The following CCNY variants were observed in gnomAD, a reference collection of about 807,000 sequenced individuals.
CCNY encodes the protein cyclin Y.
In CCNY, 19 loss-of-function variants were observed where a neutral mutation model predicts 42.8. The ratio of observed to expected loss-of-function variants is 0.44; its 90% CI spans 0.31 to 0.65. The LOEUF is 0.65. Ranked by LOEUF, CCNY falls within the 30% of genes least tolerant of loss-of-function variation. The probability of loss-of-function intolerance (pLI) is 0.07; values close to 1 mark genes in which losing one functional copy is unlikely to be tolerated. For synonymous variants in CCNY, 165 were observed against 162.7 expected (o/e 1.01, Z -0.11); for missense variants, 370 against 437.3 (o/e 0.85, Z 1.37).
intron 1 of CCNY, among the ~76,000 whole-genome samples, chr10:35,424,303 C>T (rs920164218): frequency 5.3e-5 from 8 of 152,262 alleles, no homozygotes; most frequent in South Asian, 4.1e-4. Context: ...CTCGGCTCAC[C>T]GCAACCTCCA....
chr10:35,346,568 A>G (rs1364365477), intron 1 of CCNY, among the ~76,000 whole-genome samples: 1 of 152,216 alleles, frequency 6.6e-6, no homozygotes, highest in African/African-American at 2.4e-5. Flanking sequence ...TTTCAAATAG[A>G]TAAGTGGAAA....
At chr10:35,540,521 G>T (rs1840977628) in intron 7 of CCNY, among the ~76,000 whole-genome samples, 3 of 151,472 alleles carry the variant, frequency 2.0e-5, no homozygotes, top group African/African-American at 4.9e-5. Flanking sequence ...TGGTATCAGG[G>T]TAATAGTAGC....
chr10:35,370,537 T>A (rs1836910102), intron 1 of CCNY, among the ~76,000 whole-genome samples: 1 of 151,936 alleles, frequency 6.6e-6, no homozygotes, highest in Non-Finnish European at 1.5e-5. Flanking sequence ...TTGAACATTG[T>A]CATTATAAAT....
At chr10:35,518,547 G>T (rs1405876978) in intron 4 of CCNY, among the ~76,000 whole-genome samples, 1 of 129,184 alleles carries the variant, frequency 7.7e-6, no homozygotes, top group Non-Finnish European at 1.6e-5. Flanking sequence ...TGAGTATCTG[G>T]ATTTTTAACA....
In CCNY at chr10:35,368,692, C is replaced by T. The variant is rs552537164; in HGVS notation, c.154+31485C>T. On this transcript the variant is annotated intron_variant, in intron 1 of 9. Transcript: ENST00000374704. Reference sequence around the variant, plus strand: ...CATTGACTGCTCTATAGCCCGGCCCCAGGCGTCAGGGCAGGCCGCTGTGGG... The same window carrying T: ...CATTGACTGCTCTATAGCCCGGCCCTAGGCGTCAGGGCAGGCCGCTGTGGG... Among the ~76,000 whole-genome samples, 114 of 152,346 alleles carry T rather than the reference C, an allele frequency of 7.5e-4. 1 individual carries two copies. Among genetic ancestry groups the T allele is most frequent in the Middle Eastern group, 6.8e-3 (2 of 294 alleles).
chr10:35,437,086 C>T (rs1838551939), intron 1 of CCNY, among the ~76,000 whole-genome samples: 1 of 152,202 alleles, frequency 6.6e-6, no homozygotes. Flanking sequence ...TGAGAACTCA[C>T]TATCATGAGA....
chr10:35,527,567 T>TTA (rs1413205139), intron 5 of CCNY, among the ~76,000 whole-genome samples: 1 of 152,220 alleles, frequency 6.6e-6, no homozygotes, highest in Admixed American at 6.5e-5. Context: ...CACAGAGAGA[T>TTA]TAATTTGACT....
chr10:35,285,986 A>G (rs529680543), intron 3 of CCNY, among the ~76,000 whole-genome samples: 3 of 151,780 alleles, frequency 2.0e-5, no homozygotes, highest in Admixed American at 1.3e-4. Flanking sequence ...CTAATTTTGT[A>G]TTTTTAGTGG....
At chr10:35,488,130 C>A (rs555901755) in intron 2 of CCNY, among the ~76,000 whole-genome samples, 39 of 152,236 alleles carry the variant, frequency 2.6e-4, no homozygotes, top group African/African-American at 8.4e-4. Flanking sequence ...TCTCAGGAGT[C>A]CCTTGAAATA....
intron 3 of CCNY, among the ~76,000 whole-genome samples, chr10:35,252,745 G>A (rs2095712852): frequency 6.6e-6 from 1 of 152,070 alleles, no homozygotes; most frequent in Non-Finnish European, 1.5e-5. Context: ...GCTTGATATT[G>A]CTTATGGTTC....
chr10:35,548,106 C>T lies in CCNY; in HGVS notation c.580-4913C>T, dbSNP rs1564454233. 2.0e-5 allele frequency among the ~76,000 whole-genome samples: 3 copies of T among 151,924 alleles called. No individual in the cohort carries two copies. The South Asian group carries it at 6.2e-4, about 32-fold the overall frequency. ...AAATCCACATGTAACTTTTGACCCC[C>T]CAAAACTTAATAGCCTACTGTTGAC... On this transcript the variant is annotated intron_variant, in intron 7 of 9. Coordinates refer to ENST00000374704, the MANE Select transcript of CCNY (RefSeq NM_145012.6).
intron 1 of CCNY, among the ~76,000 whole-genome samples, chr10:35,419,758 ATATGTGTGCATT>A (rs779354087): frequency 3.5e-4 from 53 of 152,190 alleles, no homozygotes; most frequent in South Asian, 1.7e-3. Context: ...TTACGTAAAT[ATATGTGTGCATT>A]TATGTGTGTG....
intron 3 of CCNY, among the ~76,000 whole-genome samples, chr10:35,508,710 C>G (rs1840263019): frequency 6.6e-6 from 1 of 152,126 alleles, no homozygotes; most frequent in Non-Finnish European, 1.5e-5. Flanking sequence ...TGGCCTTTGA[C>G]TTTTTAATTT....
chr10:35,474,438 A>C (rs1236028093), intron 1 of CCNY, among the ~76,000 whole-genome samples: 1 of 152,224 alleles, frequency 6.6e-6, no homozygotes, highest in Non-Finnish European at 1.5e-5. Context: ...CCCAGTACGC[A>C]GCTGGAGATC....
intron 3 of CCNY, among the ~76,000 whole-genome samples, chr10:35,261,948 G>A (rs1202339528): frequency 1.3e-5 from 2 of 152,180 alleles, no homozygotes; most frequent in East Asian, 3.9e-4. Flanking sequence ...TTGAACCAGG[G>A]AGGTGGAGGT....
chr10:35,366,875 C>T (rs1033749627), intron 1 of CCNY, among the ~76,000 whole-genome samples: 10 of 152,212 alleles, frequency 6.6e-5, no homozygotes, highest in Middle Eastern at 3.2e-3. Flanking sequence ...TAGATAGCCA[C>T]GTGTGGCTAG....
intron 3 of CCNY, among the ~76,000 whole-genome samples, chr10:35,330,756 A>AT (rs1247357767): frequency 0.027 from 3,811 of 142,728 alleles, 143 homozygotes; most frequent in African/African-American, 0.086. Flanking sequence ...GGCAGCTTTT[A>AT]TTTTTTTTTT....
At chr10:35,525,690 A>G (rs368141395) in intron 4 of CCNY, among the ~76,000 whole-genome samples, 1 of 152,176 alleles carries the variant, frequency 6.6e-6, no homozygotes, top group African/African-American at 2.4e-5. Context: ...GAAAGCTGAA[A>G]ATTTCTGAAT....
chr10:35,465,905 A>AGAGAGAGAGAG (rs1839249541), intron 1 of CCNY, among the ~76,000 whole-genome samples: 1 of 99,220 alleles, frequency 1.0e-5, no homozygotes, highest in African/African-American at 3.9e-5. Context: ...GGGTAGGGGG[A>AGAGAGAGAGAG]AGAGAGAGAG....
Sources: allele counts gnomAD v4.1 joint callset (sites outside exome capture counted in the v4.1 genomes callset), GRCh38; gene constraint gnomAD v4.1.1; transcripts MANE v1.5; gene names NCBI Gene and HGNC (gene_info 2026-07-23, HGNC 2026-07-21).